Variants in ETFDH observed in about 807,000 individuals in gnomAD.
ETFDH encodes electron transfer flavoprotein-ubiquinone oxidoreductase, mitochondrial.
ETFDH carries 61 observed loss-of-function variants against 73.2 expected under a neutral mutation model. The observed-to-expected ratio is 0.83, with a 90% CI of 0.68 to 1.03. The LOEUF (loss-of-function observed/expected upper bound fraction) is 1.03, where lower values mean the gene tolerates loss of function less well. ETFDH is among the 50% of genes least tolerant of loss of function. The pLI is 0.00. For missense variants in ETFDH, 685 were observed against 745.0 expected, an observed-to-expected ratio of 0.92 and a Z score of 0.94; for synonymous variants, 243 against 253.3, an observed-to-expected ratio of 0.96 and a Z score of 0.39.
chr4:158,673,364 C>T (rs1046784191), intron 1 of ETFDH, among the ~76,000 whole-genome samples: 16 of 152,066 alleles, frequency 1.1e-4, no homozygotes. Context: ...TTCTGTGAAC[C>T]ATCGTGACAG....
intron 6 of ETFDH, among the ~76,000 whole-genome samples, chr4:158,691,144 G>A (rs1343508715): frequency 6.6e-6 from 1 of 152,310 alleles, no homozygotes; most frequent in South Asian, 2.1e-4. Flanking sequence ...GTTACAACCA[G>A]TGCAAGGAGA....
chr4:158,689,924 G>A (rs1350521432), intron 5 of ETFDH, among the ~76,000 whole-genome samples: 1 of 151,574 alleles, frequency 6.6e-6, no homozygotes, highest in Admixed American at 6.6e-5. Context: ...TTTTATTTTT[G>A]TTTATTGAAT....
chr4:158,706,885 T>C (rs759574822), intron 12 of ETFDH, 35 bp downstream of exon 12: 2 of 1,360,124 alleles, frequency 1.5e-6, no homozygotes, highest in Non-Finnish European at 2.1e-6. Flanking sequence ...ATATTTGCTT[T>C]AAACATTTTA....
chr4:158,706,556 T>C (rs1774623533), intron 11 of ETFDH, 73 bp from the exon 12 acceptor site: 3 of 1,339,634 alleles, frequency 2.2e-6, no homozygotes, highest in Non-Finnish European at 3.2e-6. Flanking sequence ...TTTGAAGTTT[T>C]TATACAAATA....
At chr4:158,704,379 A>G (rs1003496357) in intron 10 of ETFDH, among the ~76,000 whole-genome samples, 1 of 152,200 alleles carries the variant, frequency 6.6e-6, no homozygotes, top group Non-Finnish European at 1.5e-5. Flanking sequence ...AAGACCCTTT[A>G]CCAACTCCAG....
rs114619054 is a variant in ETFDH, at chr4:158,690,565, G to C, written c.684+140G>C. On this transcript the variant is annotated intron_variant, in intron 6 of 12. Transcript: ENST00000511912. Reference sequence around the variant, plus strand: ...TTCGTGGTATACACCTGTAGTCCTAGCTACTTTGGAGGCTGAAACAGGAGG... The same window carrying C: ...TTCGTGGTATACACCTGTAGTCCTACCTACTTTGGAGGCTGAAACAGGAGG... 2.8e-3 allele frequency: 1,975 copies of C among 695,838 alleles called. 29 individuals carry two copies. The African/African-American group carries it at 0.031, about 11-fold the overall frequency. The allele number at this position is 695,838 out of a possible 1,614,324, so 43.1% of individuals were successfully genotyped here. A position where few individuals can be genotyped will look rare whatever the true frequency, so the allele number is the denominator to read the frequency against.
intron 1 of ETFDH, among the ~76,000 whole-genome samples, chr4:158,675,448 T>C (rs771185655): frequency 1.6e-4 from 24 of 152,206 alleles, no homozygotes; most frequent in Non-Finnish European, 3.4e-4. Context: ...ATTTGGGTTG[T>C]TTCTACTTTT....
rs1774389167 is a variant in ETFDH at position 158,699,038 on chromosome 4, A to C, written c.1024A>C (p.Arg342=). 6.2e-7 allele frequency: 1 copy of C among 1,612,660 alleles called. No individual in the cohort carries two copies. Among genetic ancestry groups the C allele is most frequent in the African/African-American group, 1.3e-5 (1 of 74,916 alleles). ...PYLSPFREFQ[R]WKHHPSIRPT... is the part of the protein sequence containing the mutation. ...CCTGAGTCCATTTAGAGAGTTCCAA[A>C]GGTGGAAACACCATCCTAGCATTCG... Residue 342 remains arginine, a synonymous_variant, in exon 9 of 13, where the codon AGG becomes CGG. Coordinates refer to ENST00000511912, the MANE Select transcript of ETFDH (RefSeq NM_004453.4).
At chr4:158,680,251 C>T in intron 1 of ETFDH, 1 of 466,234 alleles carries the variant, frequency 2.1e-6, no homozygotes, top group Non-Finnish European at 3.9e-6. Context: ...TTAAGCCTGA[C>T]ATGAGCTAAA....
chr4:158,704,717 AG>A (rs1774562081), intron 10 of ETFDH, among the ~76,000 whole-genome samples: 1 of 152,218 alleles, frequency 6.6e-6, no homozygotes, highest in African/African-American at 2.4e-5. Flanking sequence ...GCGACTCCAT[AG>A]ATATTTGATA....
At chr4:158,699,835 C>G (rs749099977) in intron 9 of ETFDH, among the ~76,000 whole-genome samples, 16 of 152,084 alleles carry the variant, frequency 1.1e-4, no homozygotes, top group Non-Finnish European at 2.4e-4. Context: ...AAAATCTTCT[C>G]AAATATAATG....
Position 158,709,488 on chromosome 4 carries a change from C to T in ETFDH, c.*961C>T, listed in dbSNP as rs570643169. 15 of 273,236 alleles carry T rather than the reference C, an allele frequency of 5.5e-5. No individual in the cohort carries two copies. The highest frequency in any genetic ancestry group is 7.5e-5 in the Non-Finnish European group (11 of 146,280). 16.9% of individuals were successfully genotyped at this position (273,236 alleles called of 1,614,324 possible). A position where few individuals can be genotyped will look rare whatever the true frequency, so the allele number is the denominator to read the frequency against. ...CAGAGGATGCAGTGAGCCGAGATTG[C>T]GCCACCGCACTCCAGCCTGGGTGAC... On this transcript the variant is annotated 3_prime_UTR_variant, in exon 13 of 13. Coordinates refer to ENST00000511912, the MANE Select transcript of ETFDH (RefSeq NM_004453.4).
chr4:158,695,358 T>G, intron 6 of ETFDH, 139 bp from the exon 7 acceptor site: 1 of 589,082 alleles, frequency 1.7e-6, no homozygotes, highest in Non-Finnish European at 3.0e-6. Context: ...ATTATATATT[T>G]ACTATGTGAT....
chr4:158,702,216 G>C (rs1774483187), intron 9 of ETFDH, among the ~76,000 whole-genome samples: 1 of 151,420 alleles, frequency 6.6e-6, no homozygotes, highest in African/African-American at 2.4e-5. Flanking sequence ...GGGGAGAGAG[G>C]ATACAATGTG....
chr4:158,688,865 C>T (rs1774083617), intron 5 of ETFDH, among the ~76,000 whole-genome samples: 1 of 152,108 alleles, frequency 6.6e-6, no homozygotes, highest in African/African-American at 2.4e-5. Flanking sequence ...ACTGTTTTTA[C>T]TCTAAGGAAA....
chr4:158,682,102 T>C (rs571100489), intron 2 of ETFDH, 93 bp from the exon 3 acceptor site: 1 of 1,559,768 alleles, frequency 6.4e-7, no homozygotes, highest in East Asian at 2.2e-5. Flanking sequence ...CCATAAATAA[T>C]ACTCTAAAGC....
chr4:158,686,608 G>T (rs981113942), intron 5 of ETFDH, among the ~76,000 whole-genome samples: 1 of 152,196 alleles, frequency 6.6e-6, no homozygotes, highest in African/African-American at 2.4e-5. Flanking sequence ...CAAGGGGAAA[G>T]GGAGAAGTAA....
chr4:158,692,888 A>C (rs866751758), intron 6 of ETFDH, among the ~76,000 whole-genome samples: 2 of 119,104 alleles, frequency 1.7e-5, no homozygotes, highest in Admixed American at 8.9e-5. Flanking sequence ...AAAAAAAAAA[A>C]ACATATATAT....
At position 158,706,714 on chromosome 4, in the gene ETFDH, C is replaced by T; in HGVS notation, c.1554C>T (p.Leu518=). ...PKPDGQISFD[L]LSSVALSGTN... is the part of the protein sequence containing the mutation. ...CCGATGGACAGATCAGTTTTGACCT[C>T]TTGTCATCTGTGGCTCTGAGTGGTA... The change falls in exon 12 of 13, where the codon CTC becomes CTT. Residue 518 remains leucine (L), a synonymous_variant. Transcript: ENST00000511912. 6.2e-7 allele frequency: 1 copy of T among 1,614,018 alleles called. No homozygotes were observed. The highest frequency in any genetic ancestry group is 8.5e-7 in the Non-Finnish European group (1 of 1,179,910).
Sources: gnomAD v4.1 joint callset for allele counts (sites outside exome capture counted in the v4.1 genomes callset) on GRCh38, gnomAD v4.1.1 for gene constraint, MANE v1.5 for transcripts, NCBI Gene and HGNC (gene_info 2026-07-23, HGNC 2026-07-21) for gene names.